The following CNKSR3 variants were observed in gnomAD, a reference collection of about 807,000 sequenced individuals.
CNKSR3 encodes the protein CNKSR family member 3.
Under a neutral mutation model 67.7 loss-of-function variants are expected in CNKSR3, and 36 were observed. The observed-to-expected ratio is 0.53, with a 90% confidence interval of 0.41 to 0.70. CNKSR3 has a LOEUF of 0.70. Among genes scored for constraint, CNKSR3 ranks in the 30% least tolerant of loss-of-function variants. The pLI is 0.00. For missense variants in CNKSR3, 630 were observed against 695.2 expected (o/e 0.91, Z 1.05); for synonymous variants, 281 against 271.4 (o/e 1.04, Z -0.35).
intron 1 of CNKSR3, among the ~76,000 whole-genome samples, chr6:154,451,354 T>C (rs1785821882): frequency 6.6e-6 from 1 of 152,248 alleles, no homozygotes; most frequent in Admixed American, 6.5e-5. Context: ...TTTAAAAGAC[T>C]TAGTGATTTA....
chr6:154,429,580 T>A (rs532689111), intron 6 of CNKSR3, among the ~76,000 whole-genome samples: 2 of 152,336 alleles, frequency 1.3e-5, no homozygotes, highest in African/African-American at 4.8e-5. Context: ...AGCCAAGCAG[T>A]ACCAATATGC....
Position 154,405,416 on chromosome 6 carries a change from CG to C in CNKSR3, c.*937del, listed in dbSNP as rs1784767433. ...AAACAAGAGTTAATATCCAGACACACGTTTTCAAAATACCTGATGCTAGTTG... is the reference window on the plus strand; with the variant it reads ...AAACAAGAGTTAATATCCAGACACACTTTTCAAAATACCTGATGCTAGTTG... On this transcript the variant is annotated 3_prime_UTR_variant, in exon 13 of 13. Transcript: ENST00000607772. The C allele has an allele frequency of 6.6e-6, 1 of 152,622 alleles. No individual in the cohort carries two copies. The highest frequency in any genetic ancestry group is 1.5e-5 in the Non-Finnish European group (1 of 68,032). 9.5% of individuals were successfully genotyped at this position (152,622 alleles called of 1,614,324 possible). A position where few individuals can be genotyped will look rare whatever the true frequency, so the allele number is the denominator to read the frequency against.
In CNKSR3 at chr6:154,450,109, G is replaced by T. The variant is rs748682565; in HGVS notation, c.202C>A (p.Leu68Ile). The T allele has an allele frequency of 1.9e-6, 3 of 1,614,110 alleles. No individual in the cohort carries two copies. The highest frequency in any genetic ancestry group is 2.5e-6 in the Non-Finnish European group (3 of 1,180,006). The change falls in exon 2 of 13, where the codon CTT (leucine) becomes ATT (isoleucine). Residue 68 changes from leucine to isoleucine, a missense_variant. Coordinates refer to ENST00000607772, the MANE Select transcript of CNKSR3 (RefSeq NM_173515.4). ...HQELVLEAVD[L>I]LCALNYGLET... ...CCTGAACTAACCAGTGCACAGAGAA[G>T]GTCCACAGCCTCCAACACAAGCTCC...
rs1225139275 is a variant in CNKSR3, at chr6:154,399,620, C to T, written c.*6734G>A. On this transcript the variant is annotated 3_prime_UTR_variant, in exon 13 of 13. Coordinates refer to ENST00000607772, the MANE Select transcript of CNKSR3 (RefSeq NM_173515.4). Reference sequence around the variant, plus strand: ...AAAGTCAAAGGCTTCTAAATTCGCGCTAATTCCTCAAATCCCTCCTCTTAT... The same window carrying T: ...AAAGTCAAAGGCTTCTAAATTCGCGTTAATTCCTCAAATCCCTCCTCTTAT... 6.6e-6 allele frequency: 1 copy of T among 152,028 alleles called. No individual in the cohort carries two copies. The highest frequency in any genetic ancestry group is 6.6e-5 in the Admixed American group (1 of 15,258). 9.4% of individuals were successfully genotyped at this position (152,028 alleles called of 1,614,324 possible).
chr6:154,446,499 G>A (rs1785709534), intron 2 of CNKSR3, among the ~76,000 whole-genome samples: 1 of 152,180 alleles, frequency 6.6e-6, no homozygotes, highest in African/African-American at 2.4e-5. Context: ...AAAAATTCCT[G>A]TTCCTGCATT....
intron 1 of CNKSR3, among the ~76,000 whole-genome samples, chr6:154,464,015 T>A (rs1317399747): frequency 6.6e-6 from 1 of 152,190 alleles, no homozygotes; most frequent in Non-Finnish European, 1.5e-5. Flanking sequence ...TTGGCACTAT[T>A]TGTGTACAGT....
chr6:154,498,167 A>T (rs970077903), intron 1 of CNKSR3, among the ~76,000 whole-genome samples: 4 of 152,238 alleles, frequency 2.6e-5, no homozygotes, highest in African/African-American at 9.6e-5. Flanking sequence ...GAATAACGGA[A>T]TTAGGTAAAT....
intron 7 of CNKSR3, among the ~76,000 whole-genome samples, chr6:154,424,260 A>G (rs1785209648): frequency 1.3e-5 from 2 of 152,040 alleles, no homozygotes; most frequent in African/African-American, 4.8e-5. Flanking sequence ...AAAAGAAAAA[A>G]GAAATATAAA....
intron 1 of CNKSR3, among the ~76,000 whole-genome samples, chr6:154,456,294 T>G (rs986172785): frequency 6.6e-6 from 1 of 152,128 alleles, no homozygotes; most frequent in African/African-American, 2.4e-5. Context: ...GGTTGTTTTT[T>G]GTTTTCTGGG....
rs575192304 is a variant in CNKSR3, at chr6:154,508,471, G to A, written c.52+1592C>T. Among the ~76,000 whole-genome samples the A allele has an allele frequency of 6.6e-5, 10 of 152,302 alleles. No individual in the cohort carries two copies. In the South Asian group the frequency reaches 2.1e-3, roughly 32 times the overall value. Reference sequence around the variant, plus strand: ...GCGGCTCTAGAAGTCAACAGTAGCTGAAATTTGCAGTGTCTCAAGTTGGCT... The same window carrying A: ...GCGGCTCTAGAAGTCAACAGTAGCTAAAATTTGCAGTGTCTCAAGTTGGCT... On this transcript the variant is annotated intron_variant, in intron 1 of 12. Transcript: ENST00000607772.
Position 154,414,449 on chromosome 6 carries a change from C to A in CNKSR3, c.946-26G>T, listed in dbSNP as rs775917172. On this transcript the variant is annotated intron_variant, in intron 9 of 12. Coordinates refer to ENST00000607772, the MANE Select transcript of CNKSR3 (RefSeq NM_173515.4). ...CTGAAACAGGAGTAACACAGCAATG[C>A]AAAGAGTGGAGATCAATTCAGAGAT... The A allele has an allele frequency of 8.3e-6, 13 of 1,566,496 alleles. 1 individual carries two copies. The Middle Eastern group carries it at 6.9e-4, about 83-fold the overall frequency.
chr6:154,478,140 T>C (rs76326073), intron 1 of CNKSR3, among the ~76,000 whole-genome samples: 3,452 of 152,200 alleles, frequency 0.023, 150 homozygotes, highest in African/African-American at 0.079. Flanking sequence ...GACATGACCA[T>C]ATGACAAGCA....
intron 5 of CNKSR3, among the ~76,000 whole-genome samples, chr6:154,431,886 A>G (rs1247657211): frequency 1.3e-5 from 2 of 152,112 alleles, no homozygotes; most frequent in Non-Finnish European, 2.9e-5. Context: ...TAGATGTACA[A>G]CAGTTTGTTT....
Position 154,388,323 on chromosome 6 carries a change from T to C in CNKSR3, c.*18031A>G, listed in dbSNP as rs540593194. The C allele has an allele frequency of 9.9e-5, 15 of 152,264 alleles. No individual in the cohort carries two copies. Among genetic ancestry groups the C allele is most frequent in the Non-Finnish European group, 1.5e-5 (1 of 68,050 alleles). The allele number at this position is 152,264 out of a possible 1,614,324, so 9.4% of individuals were successfully genotyped here. A position where few individuals can be genotyped will look rare whatever the true frequency, so the allele number is the denominator to read the frequency against. On this transcript the variant is annotated 3_prime_UTR_variant, in exon 13 of 13. Transcript: ENST00000607772. ...GTAATGTCCTTAAGATTTATCCATG[T>C]TGTTGAATAATTGCAGAATTTCCTT... is the stretch of plus-strand genomic sequence containing the variant.
At chr6:154,417,303 G>C (rs1025712593) in intron 9 of CNKSR3, among the ~76,000 whole-genome samples, 2 of 152,120 alleles carry the variant, frequency 1.3e-5, no homozygotes, top group African/African-American at 4.8e-5. Flanking sequence ...CTTGACTAAG[G>C]GTCCCACAAC....
intron 4 of CNKSR3, among the ~76,000 whole-genome samples, chr6:154,435,977 G>A (rs72995428): frequency 0.086 from 13,130 of 152,212 alleles, 835 homozygotes; most frequent in Admixed American, 0.2. Flanking sequence ...GTGATGGCAC[G>A]CGTCAAGCGT....
At chr6:154,505,501 T>A (rs4870298) in intron 1 of CNKSR3, among the ~76,000 whole-genome samples, 103,565 of 140,814 alleles carry the variant, frequency 0.74, 38,284 homozygotes, top group East Asian at 0.9. Flanking sequence ...TTATTATTTT[T>A]TTTTTTTTTT....
chr6:154,502,277 T>C (rs1019649043), intron 1 of CNKSR3, among the ~76,000 whole-genome samples: 6 of 151,744 alleles, frequency 4.0e-5, no homozygotes, highest in Admixed American at 3.9e-4. Flanking sequence ...CTGCAACCTC[T>C]GCCTCCCGGG....
intron 1 of CNKSR3, among the ~76,000 whole-genome samples, chr6:154,472,105 C>T (rs146836083): frequency 2.0e-5 from 3 of 152,290 alleles, no homozygotes; most frequent in East Asian, 1.9e-4. Context: ...GCCCAGACAG[C>T]GCTATCCATA....
Sources: gnomAD v4.1 joint callset for allele counts (sites outside exome capture counted in the v4.1 genomes callset) on GRCh38, gnomAD v4.1.1 for gene constraint, MANE v1.5 for transcripts, NCBI Gene and HGNC (gene_info 2026-07-23, HGNC 2026-07-21) for gene names.